The following ALDH1A3 variants were observed in gnomAD, a reference collection of about 807,000 sequenced individuals.
ALDH1A3 encodes the protein aldehyde dehydrogenase 1 family member A3.
A neutral mutation model predicts 57.5 loss-of-function variants in ALDH1A3; 28 were observed. The observed-to-expected ratio is 0.49, with a 90% CI of 0.36 to 0.67. ALDH1A3 has a LOEUF of 0.67. Ranked by LOEUF, ALDH1A3 falls within the 30% of genes least tolerant of loss-of-function variation. The pLI is 0.00. For synonymous variants in ALDH1A3, 281 were observed against 264.8 expected (o/e 1.06, Z -0.59); for missense variants, 507 against 669.4 (o/e 0.76, Z 2.68).
At chr15:100,892,406 A>G (rs2041659318) in intron 3 of ALDH1A3, 104 bp from the exon 4 acceptor site, 1 of 1,492,982 alleles carries the variant, frequency 6.7e-7, no homozygotes, top group Non-Finnish European at 9.1e-7. Flanking sequence ...CTACAGAGCA[A>G]TGTCCTAGGA....
At chr15:100,885,204 A>G in intron 1 of ALDH1A3, 63 bp from the exon 2 acceptor site, 2 of 1,183,088 alleles carry the variant, frequency 1.7e-6, no homozygotes, top group South Asian at 1.2e-5. Flanking sequence ...TAAGGTCCTT[A>G]GCATGTTGAA....
At chr15:100,890,150 T>C (rs2041635605) in intron 3 of ALDH1A3, among the ~76,000 whole-genome samples, 2 of 152,182 alleles carry the variant, frequency 1.3e-5, no homozygotes, top group Admixed American at 6.5e-5. Context: ...TCCACTCTCC[T>C]TTTCACCCCA....
chr15:100,891,422 A>C (rs940814763), intron 3 of ALDH1A3, among the ~76,000 whole-genome samples: 1 of 152,238 alleles, frequency 6.6e-6, no homozygotes, highest in Non-Finnish European at 1.5e-5. Context: ...CAGTCTTTCC[A>C]GACACACCTG....
Position 100,914,894 on chromosome 15 carries a change from C to G in ALDH1A3, c.*121C>G. 1.2e-6 allele frequency: 1 copy of G among 861,772 alleles called. No individual in the cohort carries two copies. Among genetic ancestry groups the G allele is most frequent in the Non-Finnish European group, 1.8e-6 (1 of 554,210 alleles). The allele number at this position is 861,772 out of a possible 1,614,324, so 53.4% of individuals were successfully genotyped here. ...ACACATTCTTCTGGAGGCTTTACAT[C>G]TACTGGAGTTGAATGATTGCTGTTT... is the stretch of plus-strand genomic sequence containing the variant. On this transcript the variant is annotated 3_prime_UTR_variant, in exon 13 of 13. Coordinates refer to ENST00000329841, the MANE Select transcript of ALDH1A3 (RefSeq NM_000693.4).
intron 1 of ALDH1A3, chr15:100,881,484 C>T (rs1490032824): frequency 6.6e-6 from 1 of 152,210 alleles, no homozygotes; most frequent in African/African-American, 2.4e-5. Context: ...AGAAACCAGA[C>T]AGTAAATGTA....
rs2041669440 is a variant in ALDH1A3, at chr15:100,893,262, T to G, written c.537+256T>G. Reference sequence around the variant, plus strand: ...CCAGAGTGGTCAGGAATGGCCAGCATTCCCAGGAAGGTGGTCTCTTAGCTG... The same window carrying G: ...CCAGAGTGGTCAGGAATGGCCAGCAGTCCCAGGAAGGTGGTCTCTTAGCTG... On this transcript the variant is annotated intron_variant, in intron 5 of 12. Transcript: ENST00000329841. This position sits in a 1 kb window ranked among gnomAD's most constrained non-coding sequence, Gnocchi z 4.8. The G allele has an allele frequency of 2.6e-6, 1 of 386,696 alleles. No homozygotes were observed. Among genetic ancestry groups the G allele is most frequent in the African/African-American group, 2.0e-5 (1 of 48,802 alleles). 24.0% of individuals were successfully genotyped at this position (386,696 alleles called of 1,614,324 possible). A position where few individuals can be genotyped will look rare whatever the true frequency, so the allele number is the denominator to read the frequency against.
At position 100,914,766 on chromosome 15, in the gene ALDH1A3, A is replaced by G; in HGVS notation, c.1532A>G (p.Asn511Ser). 6.2e-7 allele frequency: 1 copy of G among 1,614,074 alleles called. No homozygotes were observed. The highest frequency in any genetic ancestry group is 8.5e-7 in the Non-Finnish European group (1 of 1,180,008). Residue 511 changes from asparagine to serine, a missense_variant, in exon 13 of 13, where the codon AAC becomes AGC. By Grantham distance (46) the Asn-to-Ser change is conservative. Coordinates refer to ENST00000329841, the MANE Select transcript of ALDH1A3 (RefSeq NM_000693.4). ...KTVTIKLGDK[N>S]P ...GTCACCATCAAACTTGGCGACAAGA[A>G]CCCCTGAAGGAAAGGCGGGGCTCCT...
At position 100,914,818 on chromosome 15, in the gene ALDH1A3, G is replaced by C. The variant is rs761336322; in HGVS notation, c.*45G>C. 1 of 1,587,250 alleles carries C rather than the reference G, an allele frequency of 6.3e-7. No homozygotes were observed. Among genetic ancestry groups the C allele is most frequent in the South Asian group, 1.1e-5 (1 of 90,040 alleles). On this transcript the variant is annotated 3_prime_UTR_variant, in exon 13 of 13. Coordinates refer to ENST00000329841, the MANE Select transcript of ALDH1A3 (RefSeq NM_000693.4). ...CCTCAAACATCGGACGGCGGAATGT[G>C]GCAGATGAAATGTGCTGGAGGAAAA... is the stretch of plus-strand genomic sequence containing the variant.
intron 7 of ALDH1A3, among the ~76,000 whole-genome samples, chr15:100,896,646 G>A (rs2041706681): frequency 6.6e-6 from 1 of 152,148 alleles, no homozygotes; most frequent in Admixed American, 6.5e-5. Context: ...TGTTTTGGTA[G>A]CACTCATCCA....
rs981148167 is a variant in ALDH1A3, at chr15:100,895,831, C to T, written c.667-102C>T. On this transcript the variant is annotated intron_variant, in intron 6 of 12. Transcript: ENST00000329841. Reference sequence around the variant, plus strand: ...GGGTAAATCCAGCCCGGCCCGGGTTCCCTGTGGGGATGTGAGGCAGCCACG... The same window carrying T: ...GGGTAAATCCAGCCCGGCCCGGGTTTCCTGTGGGGATGTGAGGCAGCCACG... The T allele has an allele frequency of 4.9e-6, 5 of 1,024,224 alleles. No individual in the cohort carries two copies. The African/African-American group carries it at 8.0e-5, about 16-fold the overall frequency. 63.4% of individuals were successfully genotyped at this position (1,024,224 alleles called of 1,614,324 possible).
Position 100,893,652 on chromosome 15 carries a change from T to TCGCCGTA in ALDH1A3, c.538-302_538-301insCGCCGTA. 1.5e-5 allele frequency: 4 copies of TCGCCGTA among 264,066 alleles called. No homozygotes were observed. Among genetic ancestry groups the TCGCCGTA allele is most frequent in the South Asian group, 1.2e-4 (1 of 8,640 alleles). 16.4% of individuals were successfully genotyped at this position (264,066 alleles called of 1,614,324 possible). ...GCCAGGTGGCAACATGAAGTGAGGG[T>TCGCCGTA]TCAAAAAGTGCCCATGGAGGCAGGG... is the stretch of plus-strand genomic sequence containing the variant. On this transcript the variant is annotated intron_variant, in intron 5 of 12. Transcript: ENST00000329841. This position sits in a 1 kb window ranked among gnomAD's most constrained non-coding sequence, Gnocchi z 4.8.
intron 1 of ALDH1A3, chr15:100,881,217 T>C (rs2041544611): frequency 6.6e-6 from 1 of 152,244 alleles, no homozygotes; most frequent in Admixed American, 6.5e-5. Flanking sequence ...GACATTTAAA[T>C]TAACTGTTTT....
chr15:100,905,678 C>T lies in ALDH1A3; in HGVS notation c.1224C>T (p.Ala408=). 1 of 1,578,924 alleles carries T rather than the reference C, an allele frequency of 6.3e-7. No homozygotes were observed. Among genetic ancestry groups the T allele is most frequent in the South Asian group, 1.2e-5 (1 of 85,396 alleles). The change falls in exon 10 of 13, where the codon GCC becomes GCT. Residue 408 remains alanine, a synonymous_variant. Transcript: ENST00000329841. ...FSEVTDNMRI[A]KEEIFGPVQP... ...AAGTCACAGACAACATGCGGATTGC[C>T]AAAGAGGAGGTACAAGGGGGCTGTG... is the stretch of plus-strand genomic sequence containing the variant.
chr15:100,882,522 G>A (rs4646649), intron 1 of ALDH1A3, among the ~76,000 whole-genome samples: 36,477 of 152,076 alleles, frequency 0.24, 4,886 homozygotes, highest in East Asian at 0.55. Context: ...TTCTTTTTGA[G>A]TTTAGCTGAG....
Position 100,893,832 on chromosome 15 carries a change from AC to A in ALDH1A3, c.538-118del. 7.3e-7 allele frequency: 1 copy of A among 1,363,554 alleles called. No homozygotes were observed. The allele number at this position is 1,363,554 out of a possible 1,614,324, so 84.5% of individuals were successfully genotyped here. ...TCTGATCATTGCACACTCCTATGTT[AC>A]CCCACATACCCCAAATCCAGACCAT... On this transcript the variant is annotated intron_variant, in intron 5 of 12. Coordinates refer to ENST00000329841, the MANE Select transcript of ALDH1A3 (RefSeq NM_000693.4). The surrounding 1 kb of genome is among the most constrained non-coding windows in gnomAD (Gnocchi z 4.8).
At chr15:100,907,778 T>A (rs1433476670) in intron 11 of ALDH1A3, among the ~76,000 whole-genome samples, 1 of 151,980 alleles carries the variant, frequency 6.6e-6, no homozygotes, top group Non-Finnish European at 1.5e-5. Flanking sequence ...TGGGGTCAGT[T>A]CTGTCTCATT....
intron 4 of ALDH1A3, 46 bp downstream of exon 4, chr15:100,892,685 A>G (rs748432595): frequency 1.3e-6 from 2 of 1,566,052 alleles, no homozygotes; most frequent in Non-Finnish European, 1.7e-6. Flanking sequence ...CTTTGGGGCT[A>G]TATCTTTTCA....
At chr15:100,888,238 A>G (rs976629513) in intron 3 of ALDH1A3, among the ~76,000 whole-genome samples, 3 of 152,050 alleles carry the variant, frequency 2.0e-5, no homozygotes, top group African/African-American at 7.3e-5. Flanking sequence ...AGCTGGGACT[A>G]CAGGTGCCTG....
Position 100,912,876 on chromosome 15 carries a change from C to CT in ALDH1A3, c.1467-1825_1467-1824insT, listed in dbSNP as rs562079969. ...GGAGGACTTGTTAAAATACAGATGT[C>CT]GGCCGGGCGCGGTGGCTCACGCCTG... On this transcript the variant is annotated intron_variant, in intron 12 of 12. Transcript: ENST00000329841. Among the ~76,000 whole-genome samples the CT allele has an allele frequency of 2.0e-3, 199 of 101,452 alleles. 26 individuals are homozygous for CT. Among genetic ancestry groups the CT allele is most frequent in the Middle Eastern group, 0.011 (2 of 186 alleles). 66.6% of individuals were successfully genotyped at this position (101,452 alleles called of 152,430 possible).
Sources: gnomAD v4.1 joint callset for allele counts (sites outside exome capture counted in the v4.1 genomes callset) on GRCh38, gnomAD v4.1.1 for gene constraint, Gnocchi (gnomAD v3.1) non-coding constraint, MANE v1.5 for transcripts, NCBI Gene and HGNC (gene_info 2026-07-23, HGNC 2026-07-21) for gene names.